The following ATRNL1 variants were observed in gnomAD, a reference collection of about 807,000 sequenced individuals.
ATRNL1 encodes attractin like 1.
Under a neutral mutation model 182.7 loss-of-function variants are expected in ATRNL1, and 95 were observed. The observed-to-expected ratio is 0.52, with a 90% CI of 0.44 to 0.62. ATRNL1 has a LOEUF of 0.62. Among genes scored for constraint, ATRNL1 ranks in the 20% least tolerant of loss-of-function variants. The pLI is 0.00. For synonymous variants in ATRNL1, 576 were observed against 568.3 expected, an observed-to-expected ratio of 1.01 and a Z score of -0.19; for missense variants, 1,471 against 1,679.5, an observed-to-expected ratio of 0.88 and a Z score of 2.17.
intron 20 of ATRNL1, among the ~76,000 whole-genome samples, chr10:115,419,014 T>A (rs1845533404): frequency 6.6e-6 from 1 of 152,204 alleles, no homozygotes; most frequent in Admixed American, 6.5e-5. Flanking sequence ...AATTTTGTTG[T>A]ATAAACCACA....
chr10:115,676,850 G>A (rs1555043223), intron 26 of ATRNL1, among the ~76,000 whole-genome samples: 1 of 151,916 alleles, frequency 6.6e-6, no homozygotes, highest in East Asian at 1.9e-4. Flanking sequence ...GACACTCACA[G>A]GAAACATCAT....
intron 24 of ATRNL1, among the ~76,000 whole-genome samples, chr10:115,502,200 C>G (rs1554980250): frequency 6.6e-6 from 1 of 151,970 alleles, no homozygotes; most frequent in African/African-American, 2.4e-5. Flanking sequence ...AAATACAGCT[C>G]AAAGAAAACC....
intron 21 of ATRNL1, among the ~76,000 whole-genome samples, chr10:115,432,321 T>C (rs1370566889): frequency 6.6e-6 from 1 of 152,142 alleles, no homozygotes; most frequent in African/African-American, 2.4e-5. Context: ...GGTGACCTTA[T>C]TGGACAACTC....
chr10:115,341,781 ATTC>A (rs1334462686), intron 19 of ATRNL1, among the ~76,000 whole-genome samples: 32 of 152,020 alleles, frequency 2.1e-4, no homozygotes, highest in African/African-American at 6.0e-4. Context: ...TTCTTTGTCT[ATTC>A]TTTTGTTTTT....
In ATRNL1 at chr10:115,782,286, G is replaced by C. The variant is rs577235050; in HGVS notation, c.3903+54931G>C. 1.3e-3 allele frequency among the ~76,000 whole-genome samples: 193 copies of C among 152,182 alleles called. 1 individual carries two copies. In the Middle Eastern group the frequency reaches 0.024, roughly 19 times the overall value. ...TCAACTTTACAGTTTATTTAACCAA[G>C]CTCCTTAGAAACTAACAGCAGGCAC... On this transcript the variant is annotated intron_variant, in intron 27 of 28. Transcript: ENST00000355044.
chr10:115,398,486 G>C (rs1233372825), intron 20 of ATRNL1, among the ~76,000 whole-genome samples: 1 of 151,970 alleles, frequency 6.6e-6, no homozygotes. Context: ...ATGAATGGAA[G>C]TTCTTTCCTG....
chr10:115,847,238 G>A (rs1950950111), intron 27 of ATRNL1, among the ~76,000 whole-genome samples: 2 of 151,950 alleles, frequency 1.3e-5, no homozygotes, highest in African/African-American at 2.4e-5. Flanking sequence ...AGGAGATGTA[G>A]GTCAAAGGGT....
intron 19 of ATRNL1, among the ~76,000 whole-genome samples, chr10:115,346,140 G>A (rs782110960): frequency 4.6e-5 from 7 of 152,074 alleles, no homozygotes; most frequent in Non-Finnish European, 7.4e-5. Flanking sequence ...ACATTTTTAA[G>A]TATACAGTTT....
intron 19 of ATRNL1, among the ~76,000 whole-genome samples, chr10:115,381,055 A>T (rs1476887588): frequency 2.0e-5 from 3 of 152,100 alleles, no homozygotes; most frequent in Non-Finnish European, 4.4e-5. Flanking sequence ...TCTTATCATT[A>T]TCTGTCTTTT....
chr10:115,424,563 T>C (rs1246495705), intron 20 of ATRNL1, among the ~76,000 whole-genome samples: 1 of 152,120 alleles, frequency 6.6e-6, no homozygotes, highest in African/African-American at 2.4e-5. Context: ...TGGATAAAAA[T>C]ATGTCATATA....
chr10:115,239,907 TC>T (rs1264244434), intron 9 of ATRNL1, among the ~76,000 whole-genome samples: 1 of 152,126 alleles, frequency 6.6e-6, no homozygotes, highest in Non-Finnish European at 1.5e-5. Flanking sequence ...AGTGCTGGTA[TC>T]CTGCCACTCC....
In ATRNL1 at chr10:115,812,502, G is replaced by T. The variant is rs531975937; in HGVS notation, c.3904-35375G>T. Among the ~76,000 whole-genome samples, 3 of 152,224 alleles carry T rather than the reference G, an allele frequency of 2.0e-5. No homozygotes were observed. In the East Asian group the frequency reaches 5.8e-4, roughly 29 times the overall value. On this transcript the variant is annotated intron_variant, in intron 27 of 28. Coordinates refer to ENST00000355044, the MANE Select transcript of ATRNL1 (RefSeq NM_207303.4). The stretch of plus-strand genomic sequence containing the variant: ...TTCTCTGCCTACTTAAGCAGACGGA[G>T]TTTTGTTCTTGTTGCCCAAGCTGGA...
chr10:115,129,186 G>T, intron 4 of ATRNL1, 141 bp from the exon 5 acceptor site: 1 of 631,138 alleles, frequency 1.6e-6, no homozygotes, highest in Non-Finnish European at 2.7e-6. Flanking sequence ...ACAGAGTAAA[G>T]AATTAAAACT....
At chr10:115,245,748 TC>T (rs1850609745) in intron 10 of ATRNL1, among the ~76,000 whole-genome samples, 1 of 152,162 alleles carries the variant, frequency 6.6e-6, no homozygotes, top group East Asian at 1.9e-4. Flanking sequence ...ATTTTTATTT[TC>T]TGGAGGTTAT....
chr10:115,198,354 T>C (rs1848437789), intron 8 of ATRNL1, among the ~76,000 whole-genome samples: 1 of 152,132 alleles, frequency 6.6e-6, no homozygotes, highest in South Asian at 2.1e-4. Flanking sequence ...ATGTTTTAGT[T>C]TGGTTATTTG....
At chr10:115,415,160 C>T (rs1412108787) in intron 20 of ATRNL1, among the ~76,000 whole-genome samples, 1 of 151,910 alleles carries the variant, frequency 6.6e-6, no homozygotes, top group Non-Finnish European at 1.5e-5. Flanking sequence ...TCCTACTAGC[C>T]CACATGGGAT....
In ATRNL1 at chr10:115,535,927, T is replaced by G. The variant is rs183519385; in HGVS notation, c.3717-13531T>G. 4.4e-3 allele frequency among the ~76,000 whole-genome samples: 666 copies of G among 151,988 alleles called. 19 individuals are homozygous for G. Among genetic ancestry groups the G allele is most frequent in the African/African-American group, 0.015 (612 of 41,290 alleles). On this transcript the variant is annotated intron_variant, in intron 25 of 28. Transcript: ENST00000355044. ...AGCGGTGTCTGCAGAACAGCAGATT[T>G]TCGTGAACCACGAATGCTGCTGTCT...
At chr10:115,211,917 A>C (rs527822571) in intron 8 of ATRNL1, among the ~76,000 whole-genome samples, 1 of 151,574 alleles carries the variant, frequency 6.6e-6, no homozygotes, top group Non-Finnish European at 1.5e-5. Flanking sequence ...ATGTTGGATC[A>C]TTTGTTATTG....
chr10:115,237,414 T>C (rs1850233226), intron 9 of ATRNL1, among the ~76,000 whole-genome samples: 1 of 152,234 alleles, frequency 6.6e-6, no homozygotes. Flanking sequence ...GCATTTTAGA[T>C]TTTAGCTATT....
Sources: allele counts gnomAD v4.1 joint callset (sites outside exome capture counted in the v4.1 genomes callset), GRCh38; gene constraint gnomAD v4.1.1; transcripts MANE v1.5; gene names NCBI Gene and HGNC (gene_info 2026-07-23, HGNC 2026-07-21).